Variants in BICC1 observed in about 807,000 individuals in gnomAD.
BICC1 encodes protein bicaudal C homolog 1.
Under a neutral mutation model 111.0 loss-of-function variants are expected in BICC1, and 43 were observed. The observed-to-expected ratio is 0.39, with a 90% CI of 0.30 to 0.50. BICC1 has a LOEUF of 0.50. BICC1 is among the 20% of genes least tolerant of loss of function. The pLI is 0.88. For synonymous variants in BICC1, 467 were observed against 434.4 expected (o/e 1.07, Z -0.93); for missense variants, 1,091 against 1,203.2 (o/e 0.91, Z 1.38).
At chr10:58,555,693 C>G (rs1330418943) in intron 1 of BICC1, among the ~76,000 whole-genome samples, 4 of 152,096 alleles carry the variant, frequency 2.6e-5, no homozygotes, top group Non-Finnish European at 5.9e-5. Context: ...ATCTCTGGAA[C>G]TCAAATGATG....
intron 1 of BICC1, among the ~76,000 whole-genome samples, chr10:58,515,368 A>G (rs1178951595): frequency 2.0e-5 from 3 of 152,200 alleles, no homozygotes; most frequent in African/African-American, 4.8e-5. Flanking sequence ...TAGGTTGTGT[A>G]GCCTGCTACA....
At chr10:58,619,408 A>G (rs1264207657) in intron 1 of BICC1, among the ~76,000 whole-genome samples, 1 of 152,118 alleles carries the variant, frequency 6.6e-6, no homozygotes, top group African/African-American at 2.4e-5. Context: ...GTAAAATTTA[A>G]GTTGGTGAAA....
chr10:58,737,385 G>C (rs1184244840), intron 3 of BICC1, among the ~76,000 whole-genome samples: 1 of 152,164 alleles, frequency 6.6e-6, no homozygotes. Flanking sequence ...TGCTGAGAAT[G>C]ATGGTTTCCA....
rs563730404 is a variant in BICC1, at chr10:58,773,949, C to A, written c.308-11052C>A. ...CTTTAAAGAAAGAGCAGTATACCCC[C>A]ACTACCCAGATTGTCCTTTTTTTCC... On this transcript the variant is annotated intron_variant, in intron 3 of 20. Coordinates refer to ENST00000373886, the MANE Select transcript of BICC1 (RefSeq NM_001080512.3). Among the ~76,000 whole-genome samples, 15 of 152,338 alleles carry A rather than the reference C, an allele frequency of 9.8e-5. No individual in the cohort carries two copies. The East Asian group carries it at 2.3e-3, about 23-fold the overall frequency.
rs1490342160 is a variant in BICC1 at position 58,829,994 on chromosome 10, A to G, written c.*1103A>G. On this transcript the variant is annotated 3_prime_UTR_variant, in exon 21 of 21. Coordinates refer to ENST00000373886, the MANE Select transcript of BICC1 (RefSeq NM_001080512.3). ...CCATTATAAGGAGAAATAGATTACAATCCTTATCATGTACACGTTAGCTAT... is the reference window on the plus strand; with the variant it reads ...CCATTATAAGGAGAAATAGATTACAGTCCTTATCATGTACACGTTAGCTAT... 2.6e-5 allele frequency: 4 copies of G among 152,012 alleles called. No individual in the cohort carries two copies. Among genetic ancestry groups the G allele is most frequent in the Admixed American group, 6.6e-5 (1 of 15,256 alleles). The allele number at this position is 152,012 out of a possible 1,614,324, so 9.4% of individuals were successfully genotyped here. A position where few individuals can be genotyped will look rare whatever the true frequency, so the allele number is the denominator to read the frequency against.
At chr10:58,772,174 T>C (rs1842638180) in intron 3 of BICC1, among the ~76,000 whole-genome samples, 1 of 152,188 alleles carries the variant, frequency 6.6e-6, no homozygotes, top group Non-Finnish European at 1.5e-5. Flanking sequence ...TTTGATATAA[T>C]TCCAGAAGTT....
chr10:58,633,641 G>A (rs1837863700), intron 2 of BICC1, among the ~76,000 whole-genome samples: 1 of 152,090 alleles, frequency 6.6e-6, no homozygotes, highest in South Asian at 2.1e-4. Flanking sequence ...AACTTTTGAT[G>A]ATATGCAGTT....
At chr10:58,737,934 T>G (rs1327982548) in intron 3 of BICC1, among the ~76,000 whole-genome samples, 1 of 152,204 alleles carries the variant, frequency 6.6e-6, no homozygotes, top group African/African-American at 2.4e-5. Context: ...TTGGTGGGGT[T>G]GTTTGATTTT....
chr10:58,568,535 A>G (rs1026351880), intron 1 of BICC1, among the ~76,000 whole-genome samples: 8 of 152,148 alleles, frequency 5.3e-5, no homozygotes, highest in African/African-American at 1.9e-4. Context: ...TCCTTCTGGC[A>G]AGAATGAAAG....
At chr10:58,718,765 T>TGTGCGC (rs369039194) in intron 3 of BICC1, among the ~76,000 whole-genome samples, 1 of 148,154 alleles carries the variant, frequency 6.7e-6, no homozygotes, top group African/African-American at 2.5e-5. Flanking sequence ...TGTGTGTGTG[T>TGTGCGC]GCGCGCGCGC....
chr10:58,616,821 A>G (rs1845621917), intron 1 of BICC1, among the ~76,000 whole-genome samples: 1 of 152,260 alleles, frequency 6.6e-6, no homozygotes, highest in African/African-American at 2.4e-5. Flanking sequence ...GTGTTGCTGC[A>G]GGGCTATGTG....
intron 2 of BICC1, among the ~76,000 whole-genome samples, chr10:58,637,605 A>C (rs1425079543): frequency 6.6e-6 from 1 of 152,232 alleles, no homozygotes; most frequent in Non-Finnish European, 1.5e-5. Flanking sequence ...TAAGATGATG[A>C]AAGTCCTTCC....
intron 1 of BICC1, among the ~76,000 whole-genome samples, chr10:58,525,233 A>C (rs1197437241): frequency 8.6e-6 from 1 of 116,492 alleles, no homozygotes; most frequent in Non-Finnish European, 2.0e-5. Context: ...AAGGATTATA[A>C]ATCATGCTGC....
At chr10:58,567,215 G>A (rs1843795138) in intron 1 of BICC1, among the ~76,000 whole-genome samples, 1 of 152,100 alleles carries the variant, frequency 6.6e-6, no homozygotes, top group Non-Finnish European at 1.5e-5. Context: ...CTTACATTTT[G>A]TTGTTGTTTT....
chr10:58,645,423 A>G (rs1838240511), intron 2 of BICC1, among the ~76,000 whole-genome samples: 1 of 151,488 alleles, frequency 6.6e-6, no homozygotes. Context: ...AAAAAAAAAA[A>G]AAAAAAAAAA....
chr10:58,720,976 G>A (rs753212461), intron 3 of BICC1, among the ~76,000 whole-genome samples: 2 of 152,178 alleles, frequency 1.3e-5, no homozygotes, highest in Non-Finnish European at 2.9e-5. Context: ...CATCTCCCAT[G>A]CATGCCAACA....
intron 2 of BICC1, among the ~76,000 whole-genome samples, chr10:58,651,566 C>T (rs1357160217): frequency 2.0e-5 from 3 of 152,162 alleles, no homozygotes; most frequent in Non-Finnish European, 4.4e-5. Context: ...TGTTCCAATC[C>T]TAACCTTTGT....
rs546037819 is a variant in BICC1, at chr10:58,709,234, G to T, written c.307+7091G>T. On this transcript the variant is annotated intron_variant, in intron 3 of 20. Coordinates refer to ENST00000373886, the MANE Select transcript of BICC1 (RefSeq NM_001080512.3). ...ACCGTCCCACACCACACCTTTCCCA[G>T]CCTCTAGTACTCATTGTTCTGTTCT... is the stretch of plus-strand genomic sequence containing the variant. 2.0e-5 allele frequency among the ~76,000 whole-genome samples: 3 copies of T among 152,222 alleles called. No homozygotes were observed. The South Asian group carries it at 6.2e-4, about 32-fold the overall frequency.
chr10:58,718,283 C>A (rs569064552), intron 3 of BICC1, among the ~76,000 whole-genome samples: 4 of 152,134 alleles, frequency 2.6e-5, no homozygotes, highest in African/African-American at 4.8e-5. Flanking sequence ...TATGTCTTCA[C>A]ATGGTAGAAG....
Sources: gnomAD v4.1 joint callset for allele counts (sites outside exome capture counted in the v4.1 genomes callset) on GRCh38, gnomAD v4.1.1 for gene constraint, MANE v1.5 for transcripts, NCBI Gene and HGNC (gene_info 2026-07-23, HGNC 2026-07-21) for gene names.